Variants in CPNE4 observed in about 807,000 individuals in gnomAD.
CPNE4 encodes the protein copine 4, also known as copine-4.
Under a neutral mutation model 67.9 loss-of-function variants are expected in CPNE4, and 25 were observed. That is an observed-to-expected ratio of 0.37 (90% CI 0.27 to 0.51). The LOEUF is 0.51. CPNE4 is among the 20% of genes least tolerant of loss of function. The pLI, the probability that CPNE4 is intolerant of heterozygous loss-of-function variation, is 0.93. For missense variants in CPNE4, 464 were observed against 690.8 expected (o/e 0.67, Z 3.68); for synonymous variants, 242 against 244.9 (o/e 0.99, Z 0.11).
intron 2 of CPNE4, among the ~76,000 whole-genome samples, chr3:131,787,226 G>A (rs2083591557): frequency 6.6e-6 from 1 of 152,162 alleles, no homozygotes; most frequent in South Asian, 2.1e-4. Context: ...GGAGGGAGAT[G>A]CTGGATGTCA....
At chr3:131,608,664 A>G (rs1484715365) in intron 7 of CPNE4, among the ~76,000 whole-genome samples, 5 of 152,134 alleles carry the variant, frequency 3.3e-5, no homozygotes, top group Non-Finnish European at 7.4e-5. Context: ...GAGAACTGAG[A>G]GGAAGGGCAA....
intron 2 of CPNE4, among the ~76,000 whole-genome samples, chr3:131,812,302 C>A (rs931215648): frequency 1.3e-5 from 2 of 150,892 alleles, no homozygotes; most frequent in Non-Finnish European, 2.9e-5. Flanking sequence ...AAGGTGAAAG[C>A]AAACTAAAGA....
chr3:131,856,785 A>T (rs1191691627), intron 2 of CPNE4, among the ~76,000 whole-genome samples: 1 of 152,054 alleles, frequency 6.6e-6, no homozygotes, highest in African/African-American at 2.4e-5. Context: ...GCCTTAAAGC[A>T]TTTGATCCTC....
intron 4 of CPNE4, among the ~76,000 whole-genome samples, chr3:131,699,538 C>T (rs926913532): frequency 4.6e-5 from 7 of 152,096 alleles, no homozygotes; most frequent in Admixed American, 6.5e-5. Flanking sequence ...AAATGAGAGA[C>T]GAGGACACGT....
At chr3:131,875,872 C>T (rs1321343872) in intron 2 of CPNE4, among the ~76,000 whole-genome samples, 3 of 152,156 alleles carry the variant, frequency 2.0e-5, no homozygotes, top group African/African-American at 7.2e-5. Context: ...TGTACAAAGA[C>T]AATCTGTTTA....
chr3:131,832,036 T>C (rs1220221783), intron 2 of CPNE4, among the ~76,000 whole-genome samples: 1 of 152,220 alleles, frequency 6.6e-6, no homozygotes, highest in Non-Finnish European at 1.5e-5. Flanking sequence ...CAAAATACTC[T>C]CTGTTCATTC....
At chr3:131,650,056 C>T (rs915080659) in intron 7 of CPNE4, among the ~76,000 whole-genome samples, 20 of 152,216 alleles carry the variant, frequency 1.3e-4, no homozygotes, top group East Asian at 9.7e-4. Flanking sequence ...AGAAGACAGA[C>T]GCTGAGAGAC....
At chr3:132,012,655 T>A (rs911588903) in intron 1 of CPNE4, among the ~76,000 whole-genome samples, 1 of 152,020 alleles carries the variant, frequency 6.6e-6, no homozygotes, top group Non-Finnish European at 1.5e-5. Flanking sequence ...TGGTGGGAAG[T>A]CCTTCATCTG....
At chr3:131,898,463 T>A (rs1406016855) in intron 2 of CPNE4, among the ~76,000 whole-genome samples, 1 of 152,130 alleles carries the variant, frequency 6.6e-6, no homozygotes, top group Non-Finnish European at 1.5e-5. Flanking sequence ...GATGAAATTA[T>A]CTTCAGGGCA....
At chr3:131,833,471 A>G (rs1255229950) in intron 2 of CPNE4, among the ~76,000 whole-genome samples, 1 of 152,150 alleles carries the variant, frequency 6.6e-6, no homozygotes, top group Non-Finnish European at 1.5e-5. Flanking sequence ...AGGCAGGCGG[A>G]TCACTTGAGC....
chr3:131,544,429 T>C (rs962011474), intron 14 of CPNE4, among the ~76,000 whole-genome samples: 5 of 152,350 alleles, frequency 3.3e-5, no homozygotes, highest in Admixed American at 3.3e-4. Context: ...CCACATGTTC[T>C]GAATGCTTTT....
intron 7 of CPNE4, among the ~76,000 whole-genome samples, chr3:131,591,536 G>T (rs1004049483): frequency 6.6e-6 from 1 of 152,154 alleles, no homozygotes; most frequent in Non-Finnish European, 1.5e-5. Context: ...CTCTGGCTGG[G>T]GCAGAAAGGG....
At chr3:132,030,758 A>G (rs1486577126) in intron 1 of CPNE4, among the ~76,000 whole-genome samples, 1 of 152,194 alleles carries the variant, frequency 6.6e-6, no homozygotes, top group Admixed American at 6.5e-5. Context: ...AGCAAACAGA[A>G]AGCTCCCACA....
chr3:131,931,121 G>A (rs1234363705), intron 1 of CPNE4, among the ~76,000 whole-genome samples: 1 of 152,070 alleles, frequency 6.6e-6, no homozygotes, highest in Non-Finnish European at 1.5e-5. Context: ...TTCAGTCAGG[G>A]AAGTTTCCGT....
intron 7 of CPNE4, among the ~76,000 whole-genome samples, chr3:131,647,702 A>G (rs980981397): frequency 6.6e-6 from 1 of 152,178 alleles, no homozygotes; most frequent in Non-Finnish European, 1.5e-5. Flanking sequence ...TAAAATGGTG[A>G]TAACAAACCT....
chr3:131,918,644 G>A (rs537038491), intron 1 of CPNE4, among the ~76,000 whole-genome samples: 2 of 152,132 alleles, frequency 1.3e-5, no homozygotes, highest in African/African-American at 4.8e-5. Flanking sequence ...CTGTGTGCTA[G>A]GGAACTGTTA....
At chr3:131,872,326 A>G (rs1268112751) in intron 2 of CPNE4, among the ~76,000 whole-genome samples, 1 of 152,182 alleles carries the variant, frequency 6.6e-6, no homozygotes, top group Non-Finnish European at 1.5e-5. Context: ...CTAGAGACCC[A>G]GGAGAGCCAA....
chr3:131,718,264 C>G (rs1308003828), intron 3 of CPNE4, among the ~76,000 whole-genome samples: 1 of 152,110 alleles, frequency 6.6e-6, no homozygotes, highest in Non-Finnish European at 1.5e-5. Context: ...GGATTACAGG[C>G]GTGAGCCACT....
intron 1 of CPNE4, among the ~76,000 whole-genome samples, chr3:131,972,800 A>G (rs1470842392): frequency 6.6e-6 from 1 of 152,112 alleles, no homozygotes; most frequent in East Asian, 1.9e-4. Context: ...CTAGGATTCT[A>G]CTTCCTCCTC....
Sources: gnomAD v4.1 joint callset for allele counts (sites outside exome capture counted in the v4.1 genomes callset) on GRCh38, gnomAD v4.1.1 for gene constraint, MANE v1.5 for transcripts, NCBI Gene and HGNC (gene_info 2026-07-23, HGNC 2026-07-21) for gene names.